RNF213: variants seen among roughly 807,000 people sequenced by gnomAD.
The protein encoded by RNF213 is ring finger protein 213.
Under a neutral mutation model 514.4 loss-of-function variants are expected in RNF213, and 341 were observed. That is an observed-to-expected ratio of 0.66 (90% CI 0.61 to 0.73). The LOEUF (loss-of-function observed/expected upper bound fraction) is 0.73. Among genes scored for constraint, RNF213 ranks in the 30% least tolerant of loss-of-function variants. The pLI is 0.00. For synonymous variants in RNF213, 2,655 were observed against 2,658.2 expected (o/e 1.00, Z 0.04); for missense variants, 5,767 against 6,615.6 (o/e 0.87, Z 4.45).
chr17:80,310,999 G>A (rs1160700635), intron 14 of RNF213, among the ~76,000 whole-genome samples: 1 of 152,246 alleles, frequency 6.6e-6, no homozygotes, highest in Non-Finnish European at 1.5e-5. Context: ...TTGGTGAGAT[G>A]ATCACGTTCT....
intron 14 of RNF213, among the ~76,000 whole-genome samples, chr17:80,310,951 G>A (rs769826902): frequency 5.9e-5 from 9 of 152,226 alleles, no homozygotes; most frequent in Non-Finnish European, 1.2e-4. Flanking sequence ...GTTTTCTTGT[G>A]TTAAAGTACC....
intron 3 of RNF213, among the ~76,000 whole-genome samples, chr17:80,278,274 G>A (rs569594750): frequency 1.3e-5 from 2 of 152,366 alleles, no homozygotes; most frequent in Admixed American, 6.5e-5. Context: ...TGTCGGATGA[G>A]CATGCCCGCT....
chr17:80,389,802 A>G, intron 65 of RNF213, 26 bp from the exon 66 acceptor site: 2 of 1,598,176 alleles, frequency 1.3e-6, no homozygotes, highest in Non-Finnish European at 1.7e-6. Flanking sequence ...CTCAGCCCCC[A>G]CTCAGGAATT....
At position 80,353,862 on chromosome 17, in the gene RNF213, G is replaced by T. The variant is rs1156945935; in HGVS notation, c.10579-157G>T. ...CAAGGGCATCTGCACCGGCAGTTTG[G>T]GGGGTGCAGGGCGGAGGTCGGCGTC... On this transcript the variant is annotated intron_variant, in intron 34 of 67. Coordinates refer to ENST00000582970, the MANE Select transcript of RNF213 (RefSeq NM_001256071.3). This position sits in a 1 kb window ranked among gnomAD's most constrained non-coding sequence, Gnocchi z 5.0. 1.7e-6 allele frequency: 2 copies of T among 1,193,406 alleles called. No homozygotes were observed. The highest frequency in any genetic ancestry group is 2.5e-5 in the East Asian group (1 of 40,020). 73.9% of individuals were successfully genotyped at this position (1,193,406 alleles called of 1,614,324 possible).
chr17:80,298,912 G>A, intron 11 of RNF213: 1 of 287,432 alleles, frequency 3.5e-6, no homozygotes, highest in Non-Finnish European at 6.8e-6. Flanking sequence ...CCGGGAGGTG[G>A]AGGTTGCAGT....
chr17:80,343,750 A>T lies in RNF213; in HGVS notation c.6184-107A>T. The T allele has an allele frequency of 8.7e-7, 1 of 1,150,076 alleles. No individual in the cohort carries two copies. Among genetic ancestry groups the T allele is most frequent in the Non-Finnish European group, 1.3e-6 (1 of 759,418 alleles). The allele number at this position is 1,150,076 out of a possible 1,614,324, so 71.2% of individuals were successfully genotyped here. ...GTTGTTGGCTGAAATGTTGATGTTG[A>T]TCATCAGGATCATCGTGACAAAGAG... On this transcript the variant is annotated intron_variant, in intron 27 of 67. Coordinates refer to ENST00000582970, the MANE Select transcript of RNF213 (RefSeq NM_001256071.3). The surrounding 1 kb of genome is among the most constrained non-coding windows in gnomAD (Gnocchi z 4.3).
At position 80,353,805 on chromosome 17, in the gene RNF213, C is replaced by A; in HGVS notation, c.10578+139C>A. ...AGGATGGCGCCCCACTTTCCTCACACAGTGACGGTCTTGTTGCTGGTTACT... is the reference window on the plus strand; with the variant it reads ...AGGATGGCGCCCCACTTTCCTCACAAAGTGACGGTCTTGTTGCTGGTTACT... On this transcript the variant is annotated intron_variant, in intron 34 of 67. Coordinates refer to ENST00000582970, the MANE Select transcript of RNF213 (RefSeq NM_001256071.3). This position sits in a 1 kb window ranked among gnomAD's most constrained non-coding sequence, Gnocchi z 5.0. 1 of 1,290,602 alleles carries A rather than the reference C, an allele frequency of 7.7e-7. No individual in the cohort carries two copies. The highest frequency in any genetic ancestry group is 1.1e-6 in the Non-Finnish European group (1 of 900,884). The allele number at this position is 1,290,602 out of a possible 1,614,324, so 79.9% of individuals were successfully genotyped here.
In RNF213 at chr17:80,393,824, G is replaced by A. The variant is rs1193691765; in HGVS notation, c.*326G>A. On this transcript the variant is annotated 3_prime_UTR_variant, in exon 68 of 68. Transcript: ENST00000582970. Reference sequence around the variant, plus strand: ...GGAGACTTGTAGCTCAGCCACACACGCAGTAATGACCTGTGCCCGTTCGCC... The same window carrying A: ...GGAGACTTGTAGCTCAGCCACACACACAGTAATGACCTGTGCCCGTTCGCC... The A allele has an allele frequency of 2.3e-4, 81 of 353,936 alleles. 1 individual carries two copies. The highest frequency in any genetic ancestry group is 1.9e-3 in the South Asian group (79 of 41,436). The allele number at this position is 353,936 out of a possible 1,614,324, so 21.9% of individuals were successfully genotyped here. A position where few individuals can be genotyped will look rare whatever the true frequency, so the allele number is the denominator to read the frequency against.
At chr17:80,282,109 G>A (rs1173119391) in intron 3 of RNF213, among the ~76,000 whole-genome samples, 3 of 152,074 alleles carry the variant, frequency 2.0e-5, no homozygotes, top group African/African-American at 7.2e-5. Flanking sequence ...CGCCTGCCTT[G>A]ACCTCCCAAA....
chr17:80,348,791 T>C (rs1169142934), intron 29 of RNF213, among the ~76,000 whole-genome samples: 2 of 152,140 alleles, frequency 1.3e-5, no homozygotes, highest in Non-Finnish European at 2.9e-5. Context: ...CTGAGGGCCT[T>C]CTGTGGGCAG....
At chr17:80,277,730 A>G (rs899876640) in intron 3 of RNF213, among the ~76,000 whole-genome samples, 6 of 152,152 alleles carry the variant, frequency 3.9e-5, no homozygotes, top group African/African-American at 1.2e-4. Flanking sequence ...CATTTTCCCA[A>G]TCCCACAGGG....
intron 39 of RNF213, 66 bp downstream of exon 39, chr17:80,361,954 A>T: frequency 6.5e-7 from 1 of 1,548,676 alleles, no homozygotes; most frequent in Non-Finnish European, 8.9e-7. Context: ...GGATGCAGAC[A>T]CGGAGACGTT....
At chr17:80,290,356 T>A in intron 6 of RNF213, among the ~76,000 whole-genome samples, 1 of 151,566 alleles carries the variant, frequency 6.6e-6, no homozygotes, top group Admixed American at 6.6e-5. Context: ...CGTGTGCATG[T>A]ATGTGTGCGT....
intron 37 of RNF213, among the ~76,000 whole-genome samples, chr17:80,358,872 G>A (rs1479119944): frequency 6.6e-6 from 1 of 152,150 alleles, no homozygotes; most frequent in Non-Finnish European, 1.5e-5. Context: ...TGGCGCCACT[G>A]CACTCCAGCC....
At chr17:80,273,456 A>G (rs2145149386) in intron 3 of RNF213, 52 bp downstream of exon 3, 3 of 1,605,724 alleles carry the variant, frequency 1.9e-6, no homozygotes, top group Non-Finnish European at 2.5e-6. Context: ...TGCCCAGGAA[A>G]ATCTCACTGC....
intron 9 of RNF213, among the ~76,000 whole-genome samples, 154 bp downstream of exon 9, chr17:80,295,157 T>G (rs1852788195): frequency 6.6e-6 from 1 of 152,188 alleles, no homozygotes; most frequent in African/African-American, 2.4e-5. Flanking sequence ...TCTTGGGATT[T>G]CTCTGCCCTC....
Position 80,334,137 on chromosome 17 carries a change from A to G in RNF213, c.4176A>G (p.Thr1392=). Residue 1392 remains threonine (T), a synonymous_variant, in exon 22 of 68, where the codon ACA becomes ACG. Coordinates refer to ENST00000582970, the MANE Select transcript of RNF213 (RefSeq NM_001256071.3). ...ACTTCGACGACTTTCGCCGTGAAAC[A>G]CTGGACCAGATCAACCAGGAGCTCA... The part of the protein sequence containing the change: ...TDNFDDFRRE[T]LDQINQELIQ... The G allele has an allele frequency of 6.5e-7, 1 of 1,537,208 alleles. No individual in the cohort carries two copies. Among genetic ancestry groups the G allele is most frequent in the Non-Finnish European group, 8.7e-7 (1 of 1,146,896 alleles).
At position 80,345,684 on chromosome 17, in the gene RNF213, A is replaced by G. The variant is rs1356878906; in HGVS notation, c.7349A>G (p.Lys2450Arg). 6.2e-7 allele frequency: 1 copy of G among 1,614,240 alleles called. No individual in the cohort carries two copies. Residue 2450 changes from lysine to arginine, a missense_variant, in exon 29 of 68, where the codon AAG becomes AGG. Lys to Arg is a conservative substitution (Grantham distance 26). Around this residue, in one of 13 missense-constraint regions of RNF213, gnomAD observed 1,377 missense variants for 1,635.2 expected, o/e 0.84. Coordinates refer to ENST00000582970, the MANE Select transcript of RNF213 (RefSeq NM_001256071.3). The surrounding 1 kb of genome is among the most constrained non-coding windows in gnomAD (Gnocchi z 6.0). The stretch of plus-strand genomic sequence containing the variant: ...AATGCTGACACCATAAAGCTGGTCA[A>G]GGTGCACGGAGGAACAACTGCAGAC... ...GTNADTIKLV[K>R]VHGGTTADMI...
At chr17:80,371,778 A>G (rs1015585841) in intron 46 of RNF213, 96 bp from the exon 47 acceptor site, 1 of 721,280 alleles carries the variant, frequency 1.4e-6, no homozygotes, top group Admixed American at 2.1e-5. Flanking sequence ...ACACACACAC[A>G]CACAGGACAG....
Sources: gnomAD v4.1 joint callset for allele counts (sites outside exome capture counted in the v4.1 genomes callset) on GRCh38, gnomAD v4.1.1 for gene constraint, gnomAD v4.1.1 regional missense constraint, Gnocchi (gnomAD v3.1) non-coding constraint, MANE v1.5 for transcripts, NCBI Gene and HGNC (gene_info 2026-07-23, HGNC 2026-07-21) for gene names.